DYDC2: variants seen among roughly 807,000 people sequenced by gnomAD.
DYDC2 encodes the protein DPY30 domain-containing protein 2.
In DYDC2, 19 loss-of-function variants were observed where a neutral mutation model predicts 18.7. That is an observed-to-expected ratio of 1.02 (90% CI 0.71 to 1.49). The LOEUF (loss-of-function observed/expected upper bound fraction) is 1.49, where lower values mean the gene tolerates loss of function less well. DYDC2 is among the 40% of genes most tolerant of loss of function. The probability of loss-of-function intolerance (pLI) is 0.00; values close to 1 mark genes in which losing one functional copy is unlikely to be tolerated. For synonymous variants in DYDC2, 63 were observed against 67.6 expected (o/e 0.93, Z 0.34); for missense variants, 179 against 205.1 (o/e 0.87, Z 0.78).
rs1230385952 is a variant in DYDC2 at position 80,363,005 on chromosome 10, A to G, written c.202A>G (p.Met68Val). ...GGAATATGACAGTAGCCTCAAGGAA[A>G]TGGAAATGACAGAAATGCTGAAACA... ...QEEYDSSLKE[M>V]EMTEMLKQEE... Residue 68 changes from methionine (M) to valine (V), a missense_variant, in exon 4 of 5, where the codon ATG becomes GTG. Coordinates refer to ENST00000256039, the MANE Select transcript of DYDC2 (RefSeq NM_032372.6). 6.2e-7 allele frequency: 1 copy of G among 1,614,100 alleles called. No individual in the cohort carries two copies. The highest frequency in any genetic ancestry group is 8.5e-7 in the Non-Finnish European group (1 of 1,180,014).
intron 2 of DYDC2, among the ~76,000 whole-genome samples, chr10:80,358,925 G>A (rs575265712): frequency 3.3e-5 from 5 of 152,298 alleles, no homozygotes; most frequent in African/African-American, 9.6e-5. Context: ...CCCTTCAGAA[G>A]TGAAGCTGCA....
chr10:80,358,870 T>G (rs775484729), intron 2 of DYDC2, among the ~76,000 whole-genome samples: 1 of 152,180 alleles, frequency 6.6e-6, no homozygotes, highest in Non-Finnish European at 1.5e-5. Flanking sequence ...CCTTTTGATG[T>G]TCGGATGTGT....
chr10:80,347,276 CTTTTTTTTTTT>C lies in DYDC2; in HGVS notation c.-310+2480_-310+2490del, dbSNP rs556362145. On this transcript the variant is annotated intron_variant, in intron 1 of 4. Coordinates refer to the DYDC2 transcript ENST00000372197. ...CTTTGCCCATTTTTTAATTGGGATC[CTTTTTTTTTTT>C]TTTTTTTTTTTTTTTTTTGCTATTG... Among the ~76,000 whole-genome samples, 11 of 90,110 alleles carry C rather than the reference CTTTTTTTTTTT, an allele frequency of 1.2e-4. 1 individual carries two copies. The highest frequency in any genetic ancestry group is 3.5e-4 in the African/African-American group (8 of 22,840). 59.1% of individuals were successfully genotyped at this position (90,110 alleles called of 152,430 possible).
intron 2 of DYDC2, among the ~76,000 whole-genome samples, chr10:80,358,322 A>C (rs1171598848): frequency 6.6e-6 from 1 of 152,076 alleles, no homozygotes; most frequent in Non-Finnish European, 1.5e-5. Context: ...AGATTGCAGT[A>C]AGACGAGATT....
chr10:80,365,096 T>C (rs774861261), intron 4 of DYDC2, among the ~76,000 whole-genome samples: 1 of 152,200 alleles, frequency 6.6e-6, no homozygotes, highest in Non-Finnish European at 1.5e-5. Flanking sequence ...GCTGCTAGTT[T>C]ACCTGATGAA....
chr10:80,363,109 C>T, intron 4 of DYDC2, 36 bp downstream of exon 4: 1 of 1,593,720 alleles, frequency 6.3e-7, no homozygotes, highest in South Asian at 1.2e-5. Context: ...TTGCCACACA[C>T]ATCCCAGTGA....
At chr10:80,363,473 T>C (rs914410544) in intron 4 of DYDC2, among the ~76,000 whole-genome samples, 4 of 150,284 alleles carry the variant, frequency 2.7e-5, no homozygotes, top group African/African-American at 9.8e-5. Context: ...GCCTCCCGAG[T>C]ATCTGGGACT....
upstream of DYDC2, among the ~76,000 whole-genome samples, chr10:80,355,046 A>G (rs1413014665): frequency 7.7e-6 from 1 of 130,416 alleles, no homozygotes; most frequent in African/African-American, 3.0e-5. Context: ...TCAGGAAAGT[A>G]AAAAAAAAGC....
upstream of DYDC2, chr10:80,351,933 T>G: frequency 6.2e-7 from 1 of 1,614,172 alleles, no homozygotes; most frequent in African/African-American, 1.3e-5. Context: ...GCTTTGAGCC[T>G]CTCCATCATT....
chr10:80,361,276 G>A (rs896435030), intron 2 of DYDC2, among the ~76,000 whole-genome samples: 39 of 152,178 alleles, frequency 2.6e-4, no homozygotes, highest in African/African-American at 8.4e-4. Context: ...AGGAATCCAC[G>A]GAAATGTTTT....
chr10:80,354,566 T>C (rs1395031701), upstream of DYDC2: 2 of 151,820 alleles, frequency 1.3e-5, no homozygotes, highest in Admixed American at 6.6e-5. Flanking sequence ...CTATTGTGAA[T>C]TGAATATCTG....
At chr10:80,355,269 T>G (rs1843291529), upstream of DYDC2, among the ~76,000 whole-genome samples, 1 of 151,738 alleles carries the variant, frequency 6.6e-6, no homozygotes, top group Non-Finnish European at 1.5e-5. Context: ...TCAGAGACAG[T>G]GACATCCTGG....
chr10:80,366,949 T>G lies in DYDC2; in HGVS notation c.532T>G (p.Ter178GluextTer8), dbSNP rs1192986250. The G allele has an allele frequency of 1.9e-6, 3 of 1,611,358 alleles. No homozygotes were observed. The highest frequency in any genetic ancestry group is 2.7e-5 in the African/African-American group (2 of 74,686). ...EMPPGSKSPF[*>E] ...GCCTCCTGGCTCCAAATCTCCTTTT[T>G]AGGTTACAGAAGGTAGATGCTTCTG... is the stretch of plus-strand genomic sequence containing the variant. The change falls in exon 5 of 5, where the codon TAG (stop) becomes GAG (glutamate). Residue 178 changes from the stop codon to glutamate, a stop_lost. Coordinates refer to ENST00000256039, the MANE Select transcript of DYDC2 (RefSeq NM_032372.6).
In DYDC2 at chr10:80,362,535, A is replaced by T; in HGVS notation, c.92A>T (p.Glu31Val). ...VAKVRPSDPI[E>V]YLAHWLYHYR... The stretch of plus-strand genomic sequence containing the variant: ...AAGGTTCGGCCCAGTGACCCAATAG[A>T]ATACCTGGCTCACTGGCTTTATCAT... Residue 31 changes from glutamate to valine, a missense_variant, in exon 3 of 5, where the codon GAA becomes GTA. By Grantham distance (121) the Glu-to-Val change is moderately radical. Transcript: ENST00000256039. 1 of 1,613,992 alleles carries T rather than the reference A, an allele frequency of 6.2e-7. No homozygotes were observed. The highest frequency in any genetic ancestry group is 8.5e-7 in the Non-Finnish European group (1 of 1,179,918).
intron 1 of DYDC2, among the ~76,000 whole-genome samples, chr10:80,346,252 T>C (rs1183280955): frequency 6.6e-6 from 1 of 152,186 alleles, no homozygotes; most frequent in African/African-American, 2.4e-5. Flanking sequence ...AAGTAGTCTC[T>C]ATAAGGTGCT....
chr10:80,355,018 G>A (rs1439528762), upstream of DYDC2, among the ~76,000 whole-genome samples: 2 of 151,456 alleles, frequency 1.3e-5, no homozygotes, highest in Non-Finnish European at 2.9e-5. Context: ...GACCAGACAA[G>A]AGGAGTAGCT....
chr10:80,358,197 G>C (rs747787457), intron 2 of DYDC2, among the ~76,000 whole-genome samples, 152 bp downstream of exon 2: 5 of 152,112 alleles, frequency 3.3e-5, no homozygotes, highest in Admixed American at 6.5e-5. Context: ...GGCCAACATG[G>C]AGAAACCCCA....
chr10:80,366,028 CT>C (rs770351822), intron 4 of DYDC2, among the ~76,000 whole-genome samples: 723 of 90,314 alleles, frequency 8.0e-3, no homozygotes, highest in South Asian at 0.014. Flanking sequence ...TTTTCTTTCT[CT>C]TTTTTTTTTT....
intron 1 of DYDC2, among the ~76,000 whole-genome samples, chr10:80,346,803 G>A (rs969802774): frequency 1.3e-5 from 2 of 151,894 alleles, no homozygotes; most frequent in East Asian, 1.9e-4. Flanking sequence ...GGCTGGTCAC[G>A]GTGGCTCATG....
Sources: gnomAD v4.1 joint callset for allele counts (sites outside exome capture counted in the v4.1 genomes callset) on GRCh38, gnomAD v4.1.1 for gene constraint, MANE v1.5 for transcripts, NCBI Gene and HGNC (gene_info 2026-07-23, HGNC 2026-07-21) for gene names.